The following BCL9 variants were observed in gnomAD, a reference collection of about 807,000 sequenced individuals.
The protein encoded by BCL9 is B-cell CLL/lymphoma 9 protein.
A neutral mutation model predicts 88.5 loss-of-function variants in BCL9; 25 were observed. The ratio of observed to expected loss-of-function variants is 0.28; its 90% CI spans 0.21 to 0.39. The LOEUF (loss-of-function observed/expected upper bound fraction) is 0.39, where lower values mean the gene tolerates loss of function less well. Ranked by LOEUF, BCL9 falls within the 10% of genes least tolerant of loss-of-function variation. BCL9 has a pLI of 1.00. For synonymous variants in BCL9, 711 were observed against 673.3 expected (o/e 1.06, Z -0.87); for missense variants, 1,817 against 1,877.8 (o/e 0.97, Z 0.60).
chr1:147,590,122 G>T (rs1656786828), intron 1 of BCL9, among the ~76,000 whole-genome samples: 2 of 152,038 alleles, frequency 1.3e-5, no homozygotes, highest in South Asian at 2.1e-4. Flanking sequence ...GCCCAAGCTG[G>T]TCTCTAACTC....
At chr1:147,623,292 AGGGACTGTATT>A (rs1658742939) in intron 9 of BCL9, among the ~76,000 whole-genome samples, 1 of 152,206 alleles carries the variant, frequency 6.6e-6, no homozygotes, top group Non-Finnish European at 1.5e-5. Context: ...TCAATGTCCC[AGGGACTGTATT>A]AGAATATGTT....
intron 1 of BCL9, among the ~76,000 whole-genome samples, chr1:147,559,370 C>T (rs993540935): frequency 6.6e-6 from 1 of 152,148 alleles, no homozygotes; most frequent in Non-Finnish European, 1.5e-5. Context: ...CCTCTGTCAT[C>T]AGCTTGTATT....
chr1:147,576,958 T>G (rs1438875210), intron 1 of BCL9, among the ~76,000 whole-genome samples: 1 of 152,214 alleles, frequency 6.6e-6, no homozygotes, highest in African/African-American at 2.4e-5. Flanking sequence ...GGTACCATCA[T>G]TACGTTATTT....
At chr1:147,544,069 C>A (rs587644192) in intron 1 of BCL9, among the ~76,000 whole-genome samples, 6 of 152,264 alleles carry the variant, frequency 3.9e-5, no homozygotes, top group Non-Finnish European at 7.4e-5. Flanking sequence ...CTGCAGCAGG[C>A]AAATACTGGG....
intron 1 of BCL9, among the ~76,000 whole-genome samples, chr1:147,556,268 G>T (rs940601360): frequency 7.3e-6 from 1 of 136,988 alleles, no homozygotes; most frequent in African/African-American, 2.7e-5. Context: ...ACAGGAGCCC[G>T]CCACCACTCC....
Position 147,618,905 on chromosome 1 carries a change from G to A in BCL9, c.750G>A (p.Gln250=), listed in dbSNP as rs1483270763. Residue 250 remains glutamine (Q), a synonymous_variant, in exon 8 of 10, where the codon CAG becomes CAA. Coordinates refer to ENST00000234739, the MANE Select transcript of BCL9 (RefSeq NM_004326.4). ...APANQDQNSS[Q]NTRLQPTPPI... ...CCAACCAGGACCAGAATTCTTCCCA[G>A]AATACCAGACTGCAGCCAACTCCAC... 5.6e-6 allele frequency: 9 copies of A among 1,613,412 alleles called. No individual in the cohort carries two copies. Among genetic ancestry groups the A allele is most frequent in the East Asian group, 2.2e-5 (1 of 44,884 alleles).
rs782445805 is a variant in BCL9, at chr1:147,624,089, C to T, written c.3411C>T (p.Phe1137=). The change falls in exon 10 of 10, where the codon TTC becomes TTT. Residue 1137 remains phenylalanine, a synonymous_variant. Coordinates refer to ENST00000234739, the MANE Select transcript of BCL9 (RefSeq NM_004326.4). This position sits in a 1 kb window ranked among gnomAD's most constrained non-coding sequence, Gnocchi z 4.4. ...TGGTACCTCAAGGACGGATGGGCTT[C>T]CCCCAGGGCTTCCCTCCAGTACAGT... ...PPMVPQGRMG[F]PQGFPPVQSP... 4 of 1,609,402 alleles carry T rather than the reference C, an allele frequency of 2.5e-6. No homozygotes were observed. The highest frequency in any genetic ancestry group is 1.3e-5 in the African/African-American group (1 of 74,988).
chr1:147,620,153 G>T lies in BCL9; in HGVS notation c.1998G>T (p.Gln666His), dbSNP rs781833531. 1.7e-5 allele frequency: 27 copies of T among 1,614,076 alleles called. No homozygotes were observed. The highest frequency in any genetic ancestry group is 2.1e-5 in the Non-Finnish European group (25 of 1,180,042). ...MEMNRMIPGS[Q>H]RHMEPGNNPI... ...TGAACAGGATGATTCCAGGCTCCCA[G>T]CGCCACATGGAGCCTGGGAATAACC... is the stretch of plus-strand genomic sequence containing the variant. The change falls in exon 8 of 10, where the codon CAG becomes CAT. Residue 666 changes from glutamine to histidine, a missense_variant. This residue lies in a region of BCL9 where 1,228 missense variants were observed against 1,191.6 expected (regional missense o/e 1.03). Transcript: ENST00000234739.
Position 147,619,195 on chromosome 1 carries a change from A to G in BCL9, c.1040A>G (p.Asn347Ser). Reference protein sequence around the residue: ...SSGEPPTLGENPDGLSQEQLE... With the variant: ...SSGEPPTLGESPDGLSQEQLE... ...GGCGAGCCCCCCACACTGGGAGAGA[A>G]TCCCGATGGCCTATCTCAGGAGCAG... Residue 347 changes from asparagine to serine, a missense_variant, in exon 8 of 10, where the codon AAT becomes AGT. Physicochemically the swap from Asn to Ser is conservative, Grantham distance 46. Coordinates refer to ENST00000234739, the MANE Select transcript of BCL9 (RefSeq NM_004326.4). The surrounding 1 kb of genome is among the most constrained non-coding windows in gnomAD (Gnocchi z 4.1). 6.2e-7 allele frequency: 1 copy of G among 1,613,938 alleles called. No individual in the cohort carries two copies. The highest frequency in any genetic ancestry group is 8.5e-7 in the Non-Finnish European group (1 of 1,179,880).
intron 1 of BCL9, among the ~76,000 whole-genome samples, chr1:147,592,934 C>T (rs1002340794): frequency 2.0e-5 from 3 of 152,220 alleles, no homozygotes; most frequent in African/African-American, 7.2e-5. Flanking sequence ...ATATAGCCTG[C>T]TCATGGCAGA....
intron 1 of BCL9, among the ~76,000 whole-genome samples, chr1:147,547,931 T>C (rs782359198): frequency 2.0e-5 from 3 of 152,358 alleles, no homozygotes; most frequent in Non-Finnish European, 4.4e-5. Context: ...TAAGTAGTTA[T>C]CAAAAGTATT....
At chr1:147,612,033 G>C in intron 4 of BCL9, 144 bp downstream of exon 4, 1 of 770,050 alleles carries the variant, frequency 1.3e-6, no homozygotes, top group Non-Finnish European at 2.2e-6. Flanking sequence ...CTAGTAAATA[G>C]TAATATAACA....
rs1553202826 is a variant in BCL9 at position 147,612,850 on chromosome 1, G to A, written c.54-33G>A. ...TTTGTGCTGACCAGCTGTATCTGGT[G>A]TCTGATCTTCCTTTGTTATTTGTTT... On this transcript the variant is annotated intron_variant, in intron 4 of 9. Transcript: ENST00000234739. 3 of 1,604,286 alleles carry A rather than the reference G, an allele frequency of 1.9e-6. No individual in the cohort carries two copies. The Admixed American group carries it at 5.0e-5, about 27-fold the overall frequency.
At chr1:147,580,646 G>T (rs782150229) in intron 1 of BCL9, among the ~76,000 whole-genome samples, 1 of 152,134 alleles carries the variant, frequency 6.6e-6, no homozygotes, top group Non-Finnish European at 1.5e-5. Context: ...ATAGAAAAGC[G>T]AAGAATTAAA....
chr1:147,583,043 G>C (rs1656437654), intron 1 of BCL9, among the ~76,000 whole-genome samples: 1 of 152,142 alleles, frequency 6.6e-6, no homozygotes, highest in African/African-American at 2.4e-5. Flanking sequence ...GCATTTCTTT[G>C]ATTACTAGTT....
At chr1:147,600,020 AG>A (rs1298027078) in intron 1 of BCL9, among the ~76,000 whole-genome samples, 1 of 90,954 alleles carries the variant, frequency 1.1e-5, no homozygotes, top group Non-Finnish European at 2.1e-5. Context: ...GCCGGTGGGG[AG>A]GGGGCACCCT....
chr1:147,589,443 T>C (rs1656755626), intron 1 of BCL9, among the ~76,000 whole-genome samples: 1 of 152,212 alleles, frequency 6.6e-6, no homozygotes, highest in Non-Finnish European at 1.5e-5. Context: ...AAATCCACTT[T>C]TAAAACATTT....
chr1:147,594,665 C>A (rs1656974235), intron 1 of BCL9, among the ~76,000 whole-genome samples: 2 of 152,044 alleles, frequency 1.3e-5, no homozygotes, highest in South Asian at 4.1e-4. Context: ...AATTAAGAGA[C>A]AATGGGAAGA....
chr1:147,612,990 G>T lies in BCL9; in HGVS notation c.161G>T (p.Gly54Val), dbSNP rs781977485. The T allele has an allele frequency of 1.9e-6, 3 of 1,608,824 alleles. No homozygotes were observed. Among genetic ancestry groups the T allele is most frequent in the South Asian group, 2.2e-5 (2 of 90,234 alleles). ...SKFSNQGKQG[G>V]SASQSQPSPC... ...TTCTCCAATCAGGGTAAACAGGGGG[G>T]CTCAGCCAGCCAATCCCAGCCATCC... The change falls in exon 5 of 10, where the codon GGC (glycine) becomes GTC (valine). Residue 54 changes from glycine to valine, a missense_variant. Coordinates refer to ENST00000234739, the MANE Select transcript of BCL9 (RefSeq NM_004326.4).
Sources: allele counts gnomAD v4.1 joint callset (sites outside exome capture counted in the v4.1 genomes callset), GRCh38; gene constraint gnomAD v4.1.1; regional missense constraint gnomAD v4.1.1; non-coding constraint Gnocchi (gnomAD v3.1); transcripts MANE v1.5; gene names NCBI Gene and HGNC (gene_info 2026-07-23, HGNC 2026-07-21).